DPP3: variants seen among roughly 807,000 people sequenced by gnomAD.
DPP3 encodes the protein DPP III.
A neutral mutation model predicts 89.8 loss-of-function variants in DPP3; 64 were observed. The observed-to-expected ratio is 0.71, with a 90% CI of 0.58 to 0.88. The LOEUF (loss-of-function observed/expected upper bound fraction) is 0.88. DPP3 is among the 40% of genes least tolerant of loss of function. The probability of loss-of-function intolerance (pLI) is 0.00; values close to 1 mark genes in which losing one functional copy is unlikely to be tolerated. For missense variants in DPP3, 835 were observed against 972.5 expected (o/e 0.86, Z 1.88); for synonymous variants, 377 against 404.3 (o/e 0.93, Z 0.81).
At chr11:66,495,856 G>T (rs1855523847) in intron 15 of DPP3, 106 bp downstream of exon 15, 1 of 1,503,042 alleles carries the variant, frequency 6.7e-7, no homozygotes, top group Admixed American at 2.1e-5. Context: ...GATGAACTGG[G>T]TTTAATGCTA....
chr11:66,493,985 TG>T (rs983157802), intron 12 of DPP3, among the ~76,000 whole-genome samples: 20 of 152,074 alleles, frequency 1.3e-4, no homozygotes, highest in Admixed American at 1.3e-3. Flanking sequence ...CCTAAGGGCG[TG>T]CTTAGGGCGT....
intron 16 of DPP3, 38 bp downstream of exon 16, chr11:66,497,515 A>G (rs1439085457): frequency 6.3e-7 from 1 of 1,593,436 alleles, no homozygotes. Flanking sequence ...GTCCCCACCA[A>G]CCTCTCCAGG....
intron 6 of DPP3, among the ~76,000 whole-genome samples, chr11:66,488,958 C>T (rs1055818067): frequency 1.3e-5 from 2 of 152,168 alleles, no homozygotes; most frequent in Non-Finnish European, 2.9e-5. Flanking sequence ...CTCTGCCTCC[C>T]GGGTTCAAGC....
Position 66,509,169 on chromosome 11 carries a change from TGGA to T in DPP3, c.2137_2139del (p.Glu713del). On this transcript the variant is annotated inframe_deletion, in exon 18 of 18. Coordinates refer to ENST00000531863, the MANE Select transcript of DPP3 (RefSeq NM_130443.4). ...CGTTTCCCAGAGGATGGACCCGAGT[TGGA>T]GGAGATCCTCACACAGCTGGCCACA... 6.2e-7 allele frequency: 1 copy of T among 1,614,214 alleles called. No homozygotes were observed. Among genetic ancestry groups the T allele is most frequent in the African/African-American group, 1.3e-5 (1 of 75,068 alleles).
chr11:66,485,508 G>C (rs963095221), intron 3 of DPP3, among the ~76,000 whole-genome samples: 2 of 152,230 alleles, frequency 1.3e-5, no homozygotes, highest in African/African-American at 4.8e-5. Context: ...GCGAGATGTG[G>C]AAGTGTTCTG....
In DPP3 at chr11:66,482,182, A is replaced by T; in HGVS notation, c.-8-11A>T. On this transcript the variant is annotated splice_polypyrimidine_tract_variant and intron_variant, in intron 1 of 17. Transcript: ENST00000531863. ...GTAAACAACAGCTGTGATGACAGTG[A>T]TGGTTCTCAGCAGGGCCCATGGCGG... 1 of 1,612,850 alleles carries T rather than the reference A, an allele frequency of 6.2e-7. No individual in the cohort carries two copies. Among genetic ancestry groups the T allele is most frequent in the African/African-American group, 1.3e-5 (1 of 75,004 alleles).
intron 15 of DPP3, among the ~76,000 whole-genome samples, chr11:66,497,023 G>T (rs1855556687): frequency 6.6e-6 from 1 of 152,186 alleles, no homozygotes; most frequent in Non-Finnish European, 1.5e-5. Context: ...GGGTGACATG[G>T]GGAGCATGGG....
chr11:66,506,410 ATGCCCG>A (rs1164243261), intron 17 of DPP3, among the ~76,000 whole-genome samples: 1 of 150,162 alleles, frequency 6.7e-6, no homozygotes, highest in Non-Finnish European at 1.5e-5. Context: ...GCGTGCCGCC[ATGCCCG>A]GCTAATTTTT....
Position 66,480,440 on chromosome 11 carries a change from G to C in DPP3, c.-34G>C, listed in dbSNP as rs1479840789. 3 of 1,486,542 alleles carry C rather than the reference G, an allele frequency of 2.0e-6. No individual in the cohort carries two copies. In the East Asian group the frequency reaches 8.5e-5, roughly 42 times the overall value. 92.1% of individuals were successfully genotyped at this position (1,486,542 alleles called of 1,614,324 possible). A position where few individuals can be genotyped will look rare whatever the true frequency, so the allele number is the denominator to read the frequency against. On this transcript the variant is annotated 5_prime_UTR_variant, in exon 1 of 18. Transcript: ENST00000531863. ...TGGGGGAGCCGGAAGCAGGAAGTGAGTTTGCGAACGGAGCAGCTGCTGCAG... is the reference window on the plus strand; with the variant it reads ...TGGGGGAGCCGGAAGCAGGAAGTGACTTTGCGAACGGAGCAGCTGCTGCAG...
chr11:66,501,229 C>T lies in DPP3; in HGVS notation c.1879-3383C>T, dbSNP rs185495760. Among the ~76,000 whole-genome samples the T allele has an allele frequency of 6.8e-4, 102 of 150,840 alleles. 1 individual carries two copies. The highest frequency in any genetic ancestry group is 7.4e-5 in the Non-Finnish European group (5 of 67,764). On this transcript the variant is annotated intron_variant, in intron 16 of 17. Coordinates refer to ENST00000531863, the MANE Select transcript of DPP3 (RefSeq NM_130443.4). ...CAAAAAAGTTAGCCAGGCATGGTGG[C>T]GCATCCTGTACTCCAAGCTACTCGG...
chr11:66,482,165 C>T (rs1267640767), intron 1 of DPP3, 28 bp from the exon 2 acceptor site: 1 of 1,610,636 alleles, frequency 6.2e-7, no homozygotes, highest in African/African-American at 1.3e-5. Flanking sequence ...GGGTAAACAA[C>T]AGCTGTGATG....
intron 16 of DPP3, 83 bp from the exon 17 acceptor site, chr11:66,504,529 C>A (rs1855753318): frequency 6.8e-7 from 1 of 1,478,668 alleles, no homozygotes; most frequent in South Asian, 1.4e-5. Flanking sequence ...CAGGGCTGAC[C>A]ACAATCAGCT....
At chr11:66,483,980 CT>C (rs148812168) in intron 2 of DPP3, among the ~76,000 whole-genome samples, 52 of 146,302 alleles carry the variant, frequency 3.6e-4, no homozygotes, top group Admixed American at 5.5e-4. Flanking sequence ...CAGGGAAATT[CT>C]TTTTTTTTTT....
intron 11 of DPP3, among the ~76,000 whole-genome samples, 159 bp from the exon 12 acceptor site, chr11:66,493,382 G>A (rs1053344647): frequency 6.6e-6 from 1 of 152,244 alleles, no homozygotes; most frequent in Non-Finnish European, 1.5e-5. Flanking sequence ...CTTCCTCCTG[G>A]GTTGTTGCAA....
chr11:66,480,651 G>A (rs1855048483), intron 1 of DPP3, 186 bp downstream of exon 1: 2 of 598,658 alleles, frequency 3.3e-6, no homozygotes, highest in Non-Finnish European at 5.1e-6. Flanking sequence ...TCCGAACCTC[G>A]AGGCTGTGCT....
At chr11:66,507,771 G>C (rs11227503) in intron 17 of DPP3, among the ~76,000 whole-genome samples, 36,399 of 146,880 alleles carry the variant, frequency 0.25, 4,645 homozygotes, top group East Asian at 0.27. Flanking sequence ...CTCCACCTCC[G>C]GAGTCAAATG....
At position 66,497,358 on chromosome 11, in the gene DPP3, G is replaced by A. The variant is rs761360068; in HGVS notation, c.1759G>A (p.Val587Ile). The change falls in exon 16 of 18, where the codon GTT becomes ATT. Residue 587 changes from valine to isoleucine, a missense_variant. Transcript: ENST00000531863. The part of the protein sequence containing the change: ...RVLLEAGEGL[V>I]TITPTTGSDG... ...CTTGCTGGAGGCTGGCGAGGGACTC[G>A]TTACCATCACTCCCACCACAGGCTC... 1.1e-5 allele frequency: 17 copies of A among 1,613,986 alleles called. No homozygotes were observed. The East Asian group carries it at 2.0e-4, about 19-fold the overall frequency.
At chr11:66,503,215 C>T (rs1855722371) in intron 16 of DPP3, among the ~76,000 whole-genome samples, 2 of 152,048 alleles carry the variant, frequency 1.3e-5, no homozygotes, top group Non-Finnish European at 2.9e-5. Context: ...GATCCGCCTG[C>T]CTCGGCCTCC....
intron 16 of DPP3, among the ~76,000 whole-genome samples, chr11:66,502,196 A>G (rs1029751717): frequency 1.3e-5 from 2 of 152,186 alleles, no homozygotes; most frequent in African/African-American, 4.8e-5. Flanking sequence ...CTCAAAAAAA[A>G]GAAAGTACAA....
Sources: gnomAD v4.1 joint callset for allele counts (sites outside exome capture counted in the v4.1 genomes callset) on GRCh38, gnomAD v4.1.1 for gene constraint, MANE v1.5 for transcripts, NCBI Gene and HGNC (gene_info 2026-07-23, HGNC 2026-07-21) for gene names.